Variants in BBS9 observed in about 807,000 individuals in gnomAD.
BBS9 encodes Bardet-Biedl syndrome 9, also known as protein PTHB1.
In BBS9, 89 loss-of-function variants were observed where a neutral mutation model predicts 117.7. The observed-to-expected ratio is 0.76, with a 90% CI of 0.64 to 0.90. The LOEUF (loss-of-function observed/expected upper bound fraction) is 0.90, where lower values mean the gene tolerates loss of function less well. Ranked by LOEUF, BBS9 falls within the 40% of genes least tolerant of loss-of-function variation. The pLI is 0.00. For synonymous variants in BBS9, 379 were observed against 370.9 expected, an observed-to-expected ratio of 1.02 and a Z score of -0.25; for missense variants, 982 against 1,042.2, an observed-to-expected ratio of 0.94 and a Z score of 0.80.
intron 9 of BBS9, among the ~76,000 whole-genome samples, chr7:33,332,705 C>CAAA (rs1168134948): frequency 1.4e-5 from 2 of 140,420 alleles, no homozygotes; most frequent in East Asian, 2.2e-4. Context: ...ACAACAACAA[C>CAAA]AACAAAAACA....
rs143737725 is a variant in BBS9 at position 33,146,705 on chromosome 7, A to G, written c.112+341A>G. Among the ~76,000 whole-genome samples, 15,373 of 149,972 alleles carry G rather than the reference A, an allele frequency of 0.1. 1,071 individuals are homozygous for G. The highest frequency in any genetic ancestry group is 0.16 in the Non-Finnish European group (10,702 of 67,578). ...CAGAGCAAGGCTCCATCTCAAAAAA[A>G]AAAAAAAAAAAAAGAGATAAAAATG... On this transcript the variant is annotated intron_variant, in intron 2 of 22. Coordinates refer to ENST00000242067, the MANE Select transcript of BBS9 (RefSeq NM_198428.3).
chr7:33,626,589 T>A (rs559342195), intron 21 of BBS9, among the ~76,000 whole-genome samples: 1 of 152,140 alleles, frequency 6.6e-6, no homozygotes, highest in South Asian at 2.1e-4. Context: ...CAGGCTGAGG[T>A]GGTCTCAGAT....
chr7:33,449,795 C>T (rs902445552), intron 19 of BBS9, among the ~76,000 whole-genome samples: 1 of 152,148 alleles, frequency 6.6e-6, no homozygotes, highest in Non-Finnish European at 1.5e-5. Context: ...TTGTATCATT[C>T]TTGGCCAATA....
chr7:33,299,549 TTAA>T (rs1283485905), intron 9 of BBS9, among the ~76,000 whole-genome samples: 16 of 149,186 alleles, frequency 1.1e-4, no homozygotes, highest in Admixed American at 6.0e-4. Context: ...TTATTATAAT[TTAA>T]TAATAATCAA....
intron 20 of BBS9, among the ~76,000 whole-genome samples, chr7:33,507,568 A>G (rs1846324642): frequency 6.6e-6 from 1 of 152,142 alleles, no homozygotes; most frequent in Non-Finnish European, 1.5e-5. Context: ...TTTCATGGTT[A>G]TTTGTCCATC....
intron 19 of BBS9, among the ~76,000 whole-genome samples, chr7:33,492,720 A>T (rs1202144032): frequency 6.6e-6 from 1 of 151,770 alleles, no homozygotes; most frequent in East Asian, 1.9e-4. Flanking sequence ...CCAGGAGATC[A>T]GTTGTTGGGG....
chr7:33,257,454 C>T (rs539582148), intron 6 of BBS9, 44 bp downstream of exon 6: 58 of 1,582,758 alleles, frequency 3.7e-5, no homozygotes, highest in East Asian at 1.8e-4. Context: ...TTTTTTGGTG[C>T]GTTTGTTGCT....
intron 5 of BBS9, among the ~76,000 whole-genome samples, chr7:33,254,147 A>G (rs1796654636): frequency 6.6e-6 from 1 of 152,158 alleles, no homozygotes; most frequent in Admixed American, 6.5e-5. Context: ...TGTGTTTTAT[A>G]GATGTTCTCT....
chr7:33,597,980 G>A (rs909974511), intron 21 of BBS9, among the ~76,000 whole-genome samples: 1 of 151,938 alleles, frequency 6.6e-6, no homozygotes, highest in African/African-American at 2.4e-5. Flanking sequence ...CATGCTCACA[G>A]TCGGCCTCAG....
At chr7:33,352,333 A>G (rs943258338) in intron 14 of BBS9, among the ~76,000 whole-genome samples, 1 of 152,184 alleles carries the variant, frequency 6.6e-6, no homozygotes, top group African/African-American at 2.4e-5. Context: ...ATTACTAATC[A>G]TTGGTATTGG....
intron 16 of BBS9, among the ~76,000 whole-genome samples, chr7:33,362,549 T>G (rs943771596): frequency 6.6e-6 from 1 of 152,204 alleles, no homozygotes; most frequent in African/African-American, 2.4e-5. Flanking sequence ...TTTTCAACTT[T>G]GTTGAAAATC....
At chr7:33,434,403 T>C (rs1834994097) in intron 19 of BBS9, among the ~76,000 whole-genome samples, 1 of 152,126 alleles carries the variant, frequency 6.6e-6, no homozygotes. Context: ...ATTAGATTGC[T>C]AAACAACCAA....
intron 21 of BBS9, among the ~76,000 whole-genome samples, chr7:33,548,078 T>G (rs1484660157): frequency 1.3e-5 from 2 of 152,176 alleles, no homozygotes; most frequent in Non-Finnish European, 2.9e-5. Flanking sequence ...AATTACAATG[T>G]GATGACCAAA....
chr7:33,529,173 G>A (rs1173075962), intron 20 of BBS9, among the ~76,000 whole-genome samples: 1 of 152,200 alleles, frequency 6.6e-6, no homozygotes, highest in African/African-American at 2.4e-5. Flanking sequence ...GGTACACAAA[G>A]GCATCTGGGA....
chr7:33,487,557 G>A (rs1843286798), intron 19 of BBS9, among the ~76,000 whole-genome samples: 2 of 152,158 alleles, frequency 1.3e-5, no homozygotes. Context: ...TTTGCCTGAG[G>A]TAAACAGCAC....
intron 20 of BBS9, among the ~76,000 whole-genome samples, chr7:33,530,653 G>T (rs536822077): frequency 1.6e-3 from 247 of 152,206 alleles, no homozygotes; most frequent in African/African-American, 5.8e-3. Flanking sequence ...CTAGATATTA[G>T]TCTAGTTTAG....
intron 21 of BBS9, among the ~76,000 whole-genome samples, chr7:33,572,646 G>T (rs1858007521): frequency 6.6e-6 from 1 of 152,084 alleles, no homozygotes; most frequent in African/African-American, 2.4e-5. Context: ...TAACTGGAGT[G>T]AGATGATGTC....
At chr7:33,163,342 C>T (rs1795162179) in intron 4 of BBS9, among the ~76,000 whole-genome samples, 2 of 152,144 alleles carry the variant, frequency 1.3e-5, no homozygotes, top group Non-Finnish European at 2.9e-5. Flanking sequence ...ATGCTGGCCT[C>T]ATAAAAACAG....
intron 19 of BBS9, among the ~76,000 whole-genome samples, chr7:33,498,824 C>T (rs1360995987): frequency 6.6e-6 from 1 of 152,062 alleles, no homozygotes; most frequent in Non-Finnish European, 1.5e-5. Flanking sequence ...TATAACTATT[C>T]GTGAGCAGGT....
Sources: gnomAD v4.1 joint callset for allele counts (sites outside exome capture counted in the v4.1 genomes callset) on GRCh38, gnomAD v4.1.1 for gene constraint, MANE v1.5 for transcripts, NCBI Gene and HGNC (gene_info 2026-07-23, HGNC 2026-07-21) for gene names.